HIPK2: variants seen among roughly 807,000 people sequenced by gnomAD.
HIPK2 encodes the protein homeodomain interacting protein kinase 2.
In HIPK2, 27 loss-of-function variants were observed where a neutral mutation model predicts 113.7. That is an observed-to-expected ratio of 0.24 (90% CI 0.17 to 0.33). HIPK2 has a LOEUF of 0.33. HIPK2 is among the 10% of genes least tolerant of loss of function. The pLI is 1.00. For synonymous variants in HIPK2, 631 were observed against 642.2 expected, an observed-to-expected ratio of 0.98 and a Z score of 0.26; for missense variants, 1,257 against 1,588.0, an observed-to-expected ratio of 0.79 and a Z score of 3.54.
chr7:139,618,055 T>C (rs1800117152), intron 7 of HIPK2, among the ~76,000 whole-genome samples: 1 of 152,240 alleles, frequency 6.6e-6, no homozygotes. Context: ...TGAAGCCAGA[T>C]TGCTGGCTGC....
At chr7:139,678,625 G>A (rs1218756468) in intron 2 of HIPK2, among the ~76,000 whole-genome samples, 4 of 152,154 alleles carry the variant, frequency 2.6e-5, no homozygotes, top group Non-Finnish European at 5.9e-5. Flanking sequence ...CGCTAGCTTT[G>A]TTCTTTTTGC....
rs1798126222 is a variant in HIPK2, at chr7:139,567,373, GCA to G, written c.*5552_*5553del. ...CACCTCCACTCCTCTTAAAAGAATA[GCA>G]CAGTTTTGAAATAAATGCATTTTTT... is the stretch of plus-strand genomic sequence containing the variant. On this transcript the variant is annotated 3_prime_UTR_variant, in exon 15 of 15. Transcript: ENST00000406875. 4 of 150,038 alleles carry G rather than the reference GCA, an allele frequency of 2.7e-5. No homozygotes were observed. Among genetic ancestry groups the G allele is most frequent in the Admixed American group, 2.0e-4 (3 of 15,050 alleles). The allele number at this position is 150,038 out of a possible 1,614,324, so 9.3% of individuals were successfully genotyped here. A position where few individuals can be genotyped will look rare whatever the true frequency, so the allele number is the denominator to read the frequency against.
intron 6 of HIPK2, among the ~76,000 whole-genome samples, chr7:139,625,352 G>A (rs1212422491): frequency 6.6e-6 from 1 of 151,392 alleles, no homozygotes. Context: ...TTGTTAAACC[G>A]AATGGACATT....
chr7:139,643,966 T>C (rs1801120723), intron 2 of HIPK2, among the ~76,000 whole-genome samples: 1 of 152,148 alleles, frequency 6.6e-6, no homozygotes, highest in African/African-American at 2.4e-5. Flanking sequence ...AGAAAGCCTG[T>C]TCTGACCTCC....
chr7:139,606,688 G>A (rs1439244654), intron 9 of HIPK2, among the ~76,000 whole-genome samples: 1 of 152,210 alleles, frequency 6.6e-6, no homozygotes. Flanking sequence ...GAAATGACTA[G>A]TCCAAGAGAA....
chr7:139,582,897 C>T (rs1216689583), intron 13 of HIPK2, among the ~76,000 whole-genome samples: 2 of 152,358 alleles, frequency 1.3e-5, no homozygotes, highest in East Asian at 1.9e-4. Flanking sequence ...TGAATGGGGC[C>T]TGCGCCCACT....
chr7:139,584,930 G>A (rs1227680105), intron 12 of HIPK2, among the ~76,000 whole-genome samples: 1 of 152,168 alleles, frequency 6.6e-6, no homozygotes, highest in Non-Finnish European at 1.5e-5. Flanking sequence ...GATAGCTCTT[G>A]GCCGGCATGT....
intron 9 of HIPK2, among the ~76,000 whole-genome samples, chr7:139,612,771 T>C (rs1191961469): frequency 6.6e-6 from 1 of 152,200 alleles, no homozygotes; most frequent in Admixed American, 6.5e-5. Flanking sequence ...ACAGTAACCA[T>C]GAGCCTGGTT....
intron 2 of HIPK2, among the ~76,000 whole-genome samples, chr7:139,638,737 C>A (rs930313195): frequency 1.3e-5 from 2 of 150,624 alleles, no homozygotes; most frequent in Non-Finnish European, 3.0e-5. Context: ...GGCTCACTGC[C>A]AGCTCCACCT....
At chr7:139,720,512 C>T (rs541316183) in intron 1 of HIPK2, among the ~76,000 whole-genome samples, 3 of 152,332 alleles carry the variant, frequency 2.0e-5, no homozygotes, top group African/African-American at 4.8e-5. Context: ...GTACTTCACC[C>T]GTTTCTTCCC....
chr7:139,614,813 C>A (rs537024632), intron 7 of HIPK2, among the ~76,000 whole-genome samples: 273 of 152,284 alleles, frequency 1.8e-3, no homozygotes, highest in Non-Finnish European at 2.9e-3. Flanking sequence ...AAAAATTAGG[C>A]TAGAAAACTG....
intron 1 of HIPK2, among the ~76,000 whole-genome samples, chr7:139,741,332 T>C (rs771394255): frequency 2.6e-5 from 4 of 152,202 alleles, no homozygotes; most frequent in Non-Finnish European, 4.4e-5. Flanking sequence ...GTCACTGTGC[T>C]GAGCCTCATA....
At chr7:139,644,979 A>G (rs1801156710) in intron 2 of HIPK2, among the ~76,000 whole-genome samples, 1 of 152,256 alleles carries the variant, frequency 6.6e-6, no homozygotes, top group South Asian at 2.1e-4. Flanking sequence ...GTGCAACTTT[A>G]CTGATTTAAA....
intron 1 of HIPK2, among the ~76,000 whole-genome samples, chr7:139,773,642 A>T (rs1796690696): frequency 1.3e-5 from 2 of 152,256 alleles, no homozygotes; most frequent in Middle Eastern, 3.2e-3. Flanking sequence ...ATGAAGAAAT[A>T]TAAAACATAA....
intron 2 of HIPK2, among the ~76,000 whole-genome samples, chr7:139,693,750 T>G (rs917985036): frequency 1.6e-4 from 24 of 151,846 alleles, no homozygotes; most frequent in Non-Finnish European, 3.1e-4. Flanking sequence ...TTAAGTATGG[T>G]GTTGAAATGG....
intron 2 of HIPK2, among the ~76,000 whole-genome samples, chr7:139,647,304 C>G (rs1801270868): frequency 6.6e-6 from 1 of 152,124 alleles, no homozygotes; most frequent in South Asian, 2.1e-4. Context: ...CACTCATGAG[C>G]TGGAAGAAGC....
At chr7:139,573,785 T>C (rs1249249535) in intron 14 of HIPK2, among the ~76,000 whole-genome samples, 1 of 151,242 alleles carries the variant, frequency 6.6e-6, no homozygotes, top group East Asian at 1.9e-4. Flanking sequence ...GAGGTAGAGG[T>C]TGCAGTGAGC....
intron 6 of HIPK2, among the ~76,000 whole-genome samples, chr7:139,624,104 C>T (rs1005928699): frequency 2.0e-5 from 3 of 151,750 alleles, no homozygotes; most frequent in Admixed American, 1.3e-4. Context: ...CTCACTGCAA[C>T]CTCCGCCTCC....
chr7:139,576,224 A>G (rs1798485787), intron 13 of HIPK2, among the ~76,000 whole-genome samples: 1 of 152,288 alleles, frequency 6.6e-6, no homozygotes, highest in Non-Finnish European at 1.5e-5. Flanking sequence ...AACATGGCCA[A>G]GCACAAAACT....
Sources: allele counts gnomAD v4.1 joint callset (sites outside exome capture counted in the v4.1 genomes callset), GRCh38; gene constraint gnomAD v4.1.1; transcripts MANE v1.5; gene names NCBI Gene and HGNC (gene_info 2026-07-23, HGNC 2026-07-21).